Variants in EPS8 observed in about 807,000 individuals in gnomAD.
EPS8 encodes epidermal growth factor receptor kinase substrate 8.
Under a neutral mutation model 103.8 loss-of-function variants are expected in EPS8, and 42 were observed. That is an observed-to-expected ratio of 0.40 (90% CI 0.32 to 0.52). The LOEUF (loss-of-function observed/expected upper bound fraction) is 0.52. Among genes scored for constraint, EPS8 ranks in the 20% least tolerant of loss-of-function variants. The probability of loss-of-function intolerance (pLI) is 0.40; values close to 1 mark genes in which losing one functional copy is unlikely to be tolerated. For synonymous variants in EPS8, 344 were observed against 344.6 expected, an observed-to-expected ratio of 1.00 and a Z score of 0.02; for missense variants, 969 against 1,005.1, an observed-to-expected ratio of 0.96 and a Z score of 0.49.
chr12:15,647,956 A>G (rs2135778326), intron 14 of EPS8, among the ~76,000 whole-genome samples: 1 of 152,308 alleles, frequency 6.6e-6, no homozygotes, highest in South Asian at 2.1e-4. Flanking sequence ...TCCTCCTCAG[A>G]TCATCAGGCA....
At chr12:15,623,625 T>C (rs188044696) in intron 19 of EPS8, among the ~76,000 whole-genome samples, 1 of 152,318 alleles carries the variant, frequency 6.6e-6, no homozygotes, top group African/African-American at 2.4e-5. Flanking sequence ...TTGTATCTCA[T>C]TTTTCAATCA....
rs1229442381 is a variant in EPS8 at position 15,789,202 on chromosome 12, C to G, written c.-63G>C. 6.6e-6 allele frequency: 1 copy of G among 152,148 alleles called. No individual in the cohort carries two copies. The highest frequency in any genetic ancestry group is 1.5e-5 in the Non-Finnish European group (1 of 68,016). 9.4% of individuals were successfully genotyped at this position (152,148 alleles called of 1,614,324 possible). On this transcript the variant is annotated 5_prime_UTR_variant, in exon 1 of 21. Coordinates refer to ENST00000281172, the MANE Select transcript of EPS8 (RefSeq NM_004447.6). This position sits in a 1 kb window ranked among gnomAD's most constrained non-coding sequence, Gnocchi z 6.1. ...GGGCCACGGCTTTCCCCGGAGACGC[C>G]GCGAGCCCAGACGAGGTGGGAGGGG...
chr12:15,763,834 A>G (rs1947066172), intron 1 of EPS8, among the ~76,000 whole-genome samples: 1 of 152,152 alleles, frequency 6.6e-6, no homozygotes, highest in Non-Finnish European at 1.5e-5. Flanking sequence ...CAATGCCTCT[A>G]CCCCTATTTA....
chr12:15,694,614 G>T (rs1458461289), intron 1 of EPS8, among the ~76,000 whole-genome samples: 16 of 152,166 alleles, frequency 1.1e-4, no homozygotes, highest in African/African-American at 3.6e-4. Context: ...AATTGATACA[G>T]CTGGGAACAA....
At chr12:15,729,504 A>C (rs1657824922) in intron 1 of EPS8, among the ~76,000 whole-genome samples, 1 of 152,124 alleles carries the variant, frequency 6.6e-6, no homozygotes, top group African/African-American at 2.4e-5. Context: ...CTCCAAGCTC[A>C]CCGATTCTTT....
intron 18 of EPS8, among the ~76,000 whole-genome samples, chr12:15,626,307 T>G (rs1278047795): frequency 6.6e-6 from 1 of 152,112 alleles, no homozygotes; most frequent in Admixed American, 6.6e-5. Flanking sequence ...TTCTCTTCAT[T>G]CTCTTCTCAG....
At chr12:15,739,111 T>C (rs1487617822) in intron 1 of EPS8, among the ~76,000 whole-genome samples, 3 of 152,184 alleles carry the variant, frequency 2.0e-5, no homozygotes, top group Admixed American at 1.3e-4. Context: ...AAACACATCA[T>C]ATACCTTAGT....
At chr12:15,718,100 C>T (rs1946552974) in intron 1 of EPS8, among the ~76,000 whole-genome samples, 2 of 152,100 alleles carry the variant, frequency 1.3e-5, no homozygotes, top group African/African-American at 4.8e-5. Context: ...GTTTGTGCAC[C>T]AAGTCTGCCA....
intron 1 of EPS8, among the ~76,000 whole-genome samples, chr12:15,756,206 C>A (rs1946984806): frequency 6.6e-6 from 1 of 152,106 alleles, no homozygotes; most frequent in Non-Finnish European, 1.5e-5. Context: ...GTAGAGCCTA[C>A]AAAGAAATTA....
chr12:15,681,867 A>AT lies in EPS8; in HGVS notation c.60-566dup, dbSNP rs1217774589. Among the ~76,000 whole-genome samples the AT allele has an allele frequency of 2.6e-5, 4 of 151,678 alleles. 1 individual carries two copies. In the South Asian group the frequency reaches 6.2e-4, roughly 24 times the overall value. ...ATAGTGCTTTATTTGAATTTTACTC[A>AT]TTTTTTCAGTGAACATTTTTGTAAG... is the stretch of plus-strand genomic sequence containing the variant. On this transcript the variant is annotated intron_variant, in intron 2 of 20. Transcript: ENST00000281172.
At position 15,761,058 on chromosome 12, in the gene EPS8, C is replaced by T. The variant is rs933699973; in HGVS notation, c.-22+28103G>A. On this transcript the variant is annotated intron_variant, in intron 1 of 20. Coordinates refer to ENST00000281172, the MANE Select transcript of EPS8 (RefSeq NM_004447.6). This position sits in a 1 kb window ranked among gnomAD's most constrained non-coding sequence, Gnocchi z 4.5. ...TATTTGGAAAAACCTAAAGACACCA[C>T]ATCAAAAACTATTAAAACTGATAAA... Among the ~76,000 whole-genome samples the T allele has an allele frequency of 2.0e-5, 3 of 151,966 alleles. No homozygotes were observed. The highest frequency in any genetic ancestry group is 4.4e-5 in the Non-Finnish European group (3 of 67,932).
intron 1 of EPS8, among the ~76,000 whole-genome samples, chr12:15,722,210 C>G (rs1946604852): frequency 6.6e-6 from 1 of 150,964 alleles, no homozygotes; most frequent in Non-Finnish European, 1.5e-5. Flanking sequence ...AAAAAAAACG[C>G]AAGAAAAAGT....
chr12:15,657,858 G>C (rs1304484364), intron 12 of EPS8: 1 of 485,924 alleles, frequency 2.1e-6, no homozygotes, highest in Non-Finnish European at 3.7e-6. Flanking sequence ...AGCACTGTCA[G>C]AGATACCAGT....
At chr12:15,739,397 G>A (rs545127889) in intron 1 of EPS8, among the ~76,000 whole-genome samples, 40 of 152,232 alleles carry the variant, frequency 2.6e-4, no homozygotes, top group Middle Eastern at 6.8e-3. Flanking sequence ...TATCTGTGAC[G>A]GTGTTTCTGG....
intron 1 of EPS8, among the ~76,000 whole-genome samples, chr12:15,753,237 A>T (rs1946951863): frequency 6.6e-6 from 1 of 152,168 alleles, no homozygotes; most frequent in African/African-American, 2.4e-5. Flanking sequence ...TGTTACTTTT[A>T]AAAAGATTTT....
intron 17 of EPS8, among the ~76,000 whole-genome samples, chr12:15,632,397 C>G (rs1051353596): frequency 6.6e-6 from 1 of 152,138 alleles, no homozygotes; most frequent in African/African-American, 2.4e-5. Context: ...ACTTATAAAA[C>G]AGCATTTGTG....
At position 15,759,028 on chromosome 12, in the gene EPS8, TA is replaced by T. The variant is rs112861405; in HGVS notation, c.-22+30132del. On this transcript the variant is annotated intron_variant, in intron 1 of 20. Coordinates refer to ENST00000281172, the MANE Select transcript of EPS8 (RefSeq NM_004447.6). This position sits in a 1 kb window ranked among gnomAD's most constrained non-coding sequence, Gnocchi z 4.9. ...CTGGATTCTTCTACAGATTTTTTTT[TA>T]AAATTTTTTAATTAAAAGATGCAGG... Among the ~76,000 whole-genome samples the T allele has an allele frequency of 1.9e-4, 29 of 152,258 alleles. No homozygotes were observed. Among genetic ancestry groups the T allele is most frequent in the African/African-American group, 7.0e-4 (29 of 41,556 alleles).
Position 15,701,336 on chromosome 12 carries a change from G to A in EPS8, c.-21-18364C>T, listed in dbSNP as rs899187426. On this transcript the variant is annotated intron_variant, in intron 1 of 20. Transcript: ENST00000281172. The surrounding 1 kb of genome is among the most constrained non-coding windows in gnomAD (Gnocchi z 5.1). ...GATGAGGAAACTGGGGCACAGAAGTGCCTTGCTCAGTATCACAGTTAGTAC... is the reference window on the plus strand; with the variant it reads ...GATGAGGAAACTGGGGCACAGAAGTACCTTGCTCAGTATCACAGTTAGTAC... Among the ~76,000 whole-genome samples the A allele has an allele frequency of 6.6e-6, 1 of 152,198 alleles. No homozygotes were observed. The highest frequency in any genetic ancestry group is 1.5e-5 in the Non-Finnish European group (1 of 68,038).
intron 4 of EPS8, 65 bp from the exon 5 acceptor site, chr12:15,669,890 C>T (rs185930306): frequency 1.6e-6 from 2 of 1,262,176 alleles, no homozygotes; most frequent in Admixed American, 2.7e-5. Context: ...TCTTAGTATA[C>T]ATTTTCCAAA....
Sources: allele counts gnomAD v4.1 joint callset (sites outside exome capture counted in the v4.1 genomes callset), GRCh38; gene constraint gnomAD v4.1.1; non-coding constraint Gnocchi (gnomAD v3.1); transcripts MANE v1.5; gene names NCBI Gene and HGNC (gene_info 2026-07-23, HGNC 2026-07-21).